The following SMG1 variants were observed in gnomAD, a reference collection of about 807,000 sequenced individuals.
SMG1 encodes the protein serine/threonine-protein kinase SMG1.
Under a neutral mutation model 419.9 loss-of-function variants are expected in SMG1, and 22 were observed. That is an observed-to-expected ratio of 0.05 (90% CI 0.04 to 0.07). The LOEUF is 0.07. Ranked by LOEUF, SMG1 falls within the 10% of genes least tolerant of loss-of-function variation. The probability of loss-of-function intolerance (pLI) is 1.00; values close to 1 mark genes in which losing one functional copy is unlikely to be tolerated. For missense variants in SMG1, 3,185 were observed against 4,342.0 expected (o/e 0.73, Z 7.49); for synonymous variants, 1,538 against 1,553.5 (o/e 0.99, Z 0.23).
intron 1 of SMG1, among the ~76,000 whole-genome samples, chr16:18,909,350 G>C (rs569550280): frequency 2.6e-5 from 4 of 151,482 alleles, no homozygotes; most frequent in Admixed American, 1.3e-4. Flanking sequence ...CTCAAAAAAA[G>C]GAAAAAATAA....
chr16:18,814,909 A>G (rs374892101), intron 60 of SMG1, among the ~76,000 whole-genome samples: 14 of 77,236 alleles, frequency 1.8e-4, no homozygotes, highest in Admixed American at 5.8e-4. Context: ...ATAGCTGTTT[A>G]TTTATTTATT....
chr16:18,916,069 CAAAAAAAAAAAAAAAAAAAACCAG>C (rs1439358678), intron 1 of SMG1, among the ~76,000 whole-genome samples: 4 of 34,800 alleles, frequency 1.1e-4, no homozygotes, highest in East Asian at 2.0e-3. Context: ...CACTTCGTCT[CAAAAAAAAAAAAAAAAAAAACCAG>C]AAAAAAAAAA....
intron 55 of SMG1, among the ~76,000 whole-genome samples, chr16:18,821,253 T>TC (rs2032534698): frequency 4.0e-5 from 1 of 24,846 alleles, no homozygotes; most frequent in African/African-American, 2.3e-4. Flanking sequence ...TTTTTTTTTC[T>TC]TTTTTTTTTT....
At chr16:18,863,883 G>A (rs776229709) in intron 24 of SMG1, 32 bp from the exon 25 acceptor site, 32 of 1,589,828 alleles carry the variant, frequency 2.0e-5, no homozygotes, top group Non-Finnish European at 2.5e-5. Context: ...AGAAGAGAGA[G>A]ATTCAGATCA....
intron 1 of SMG1, among the ~76,000 whole-genome samples, chr16:18,916,023 C>T: frequency 7.8e-6 from 1 of 128,652 alleles, no homozygotes; most frequent in African/African-American, 2.9e-5. Context: ...GAGCCGTGAT[C>T]ACACCATTGC....
At chr16:18,873,005 T>A (rs182451372) in intron 13 of SMG1, among the ~76,000 whole-genome samples, 1,727 of 151,848 alleles carry the variant, frequency 0.011, 34 homozygotes, top group African/African-American at 0.04. Flanking sequence ...ATTACAAAAA[T>A]TAGCTGGGCA....
intron 6 of SMG1, 105 bp from the exon 7 acceptor site, chr16:18,885,771 C>G (rs2036585420): frequency 9.5e-7 from 1 of 1,049,398 alleles, no homozygotes; most frequent in African/African-American, 1.6e-5. Context: ...GAATATGAGA[C>G]CAAGAAAAAT....
rs2035354000 is a variant in SMG1 at position 18,864,032 on chromosome 16, T to C, written c.3463A>G (p.Asn1155Asp). 9 of 1,550,066 alleles carry C rather than the reference T, an allele frequency of 5.8e-6. No homozygotes were observed. Among genetic ancestry groups the C allele is most frequent in the Non-Finnish European group, 7.8e-6 (9 of 1,146,984 alleles). The change falls in exon 24 of 63, where the codon AAC (asparagine) becomes GAC (aspartate). Residue 1155 changes from asparagine (N) to aspartate (D), a missense_variant. Physicochemically the swap from Asn to Asp is conservative, Grantham distance 23. Around this residue, in one of 27 missense-constraint regions of SMG1, gnomAD observed 121 missense variants for 125.4 expected, o/e 0.96. Coordinates refer to ENST00000446231, the MANE Select transcript of SMG1 (RefSeq NM_015092.5). The part of the protein sequence containing the change: ...SVLTLANAGR[N>D]SASPKHSLNG... ...AGAGAATGTTTCGGGCTGGCACTGT[T>C]ACGCCCAGCATTGGCTAAGGTGAGC...
At chr16:18,841,819 T>G (rs1567350411) in intron 40 of SMG1, 25 bp from the exon 41 acceptor site, 1 of 1,592,622 alleles carries the variant, frequency 6.3e-7, no homozygotes, top group East Asian at 2.2e-5. Context: ...TTAAAATAGC[T>G]AGGATAGGTG....
At position 18,871,462 on chromosome 16, in the gene SMG1, G is replaced by C; in HGVS notation, c.2204C>G (p.Ala735Gly). ...CTTCATTAAAACAGCTGCTTCCAAA[G>C]CCCAAGTCATTAACAGTTTCCTGAA... Reference protein sequence around the residue: ...QDTRKLLMTWALEAAVLMKKS... With the variant: ...QDTRKLLMTWGLEAAVLMKKS... The change falls in exon 16 of 63, where the codon GCT (alanine) becomes GGT (glycine). Residue 735 changes from alanine to glycine, a missense_variant. By Grantham distance (60) the Ala-to-Gly change is moderately conservative. Coordinates refer to ENST00000446231, the MANE Select transcript of SMG1 (RefSeq NM_015092.5). 6.3e-7 allele frequency: 1 copy of C among 1,592,156 alleles called. No homozygotes were observed.
chr16:18,882,728 A>T (rs1363879689), intron 9 of SMG1, among the ~76,000 whole-genome samples: 2 of 152,202 alleles, frequency 1.3e-5, no homozygotes, highest in African/African-American at 4.8e-5. Flanking sequence ...TCAGCTCAAC[A>T]GTAAGTCCTC....
chr16:18,910,446 C>G (rs12708618), intron 1 of SMG1, among the ~76,000 whole-genome samples: 27,822 of 151,434 alleles, frequency 0.18, 2,639 homozygotes, highest in Middle Eastern at 0.25. Flanking sequence ...GGTCAGGCTG[C>G]TCTCGAATTT....
At chr16:18,908,092 G>A (rs1457913275) in intron 1 of SMG1, among the ~76,000 whole-genome samples, 7 of 151,944 alleles carry the variant, frequency 4.6e-5, no homozygotes, top group African/African-American at 9.7e-5. Context: ...TAGGCCAGGC[G>A]CAGTTGATCA....
chr16:18,836,001 C>T lies in SMG1; in HGVS notation c.7989G>A (p.Gln2663=). The T allele has an allele frequency of 1.9e-6, 3 of 1,559,158 alleles. No individual in the cohort carries two copies. Among genetic ancestry groups the T allele is most frequent in the Non-Finnish European group, 2.6e-6 (3 of 1,150,952 alleles). ...TGAGCTCTTCCATCCAGGTCTTCCA[C>T]TGTTCAATTCGATGTTTCTGAAATA... is the stretch of plus-strand genomic sequence containing the variant. ...KAIFQKHRIE[Q]WKTWMEELIC... The change falls in exon 48 of 63, where the codon CAG becomes CAA. Residue 2663 remains glutamine (Q), a synonymous_variant. Coordinates refer to ENST00000446231, the MANE Select transcript of SMG1 (RefSeq NM_015092.5).
In SMG1 at chr16:18,873,380, C is replaced by T. The variant is rs1311130434; in HGVS notation, c.1891-756G>A. Among the ~76,000 whole-genome samples the T allele has an allele frequency of 2.6e-5, 4 of 152,202 alleles. No homozygotes were observed. In the East Asian group the frequency reaches 7.8e-4, roughly 30 times the overall value. On this transcript the variant is annotated intron_variant, in intron 13 of 62. Transcript: ENST00000446231. ...GATTACAGGCGCCCATCACCATGCC[C>T]TGCTAACTTTTGTATTTTTTTAGTA...
chr16:18,922,799 G>A (rs1205843504), intron 1 of SMG1, among the ~76,000 whole-genome samples: 1 of 151,964 alleles, frequency 6.6e-6, no homozygotes, highest in African/African-American at 2.4e-5. Context: ...ATTCTTAAAT[G>A]TCGGGTGCGG....
intron 45 of SMG1, 77 bp from the exon 46 acceptor site, chr16:18,837,520 G>C: frequency 7.9e-7 from 1 of 1,264,612 alleles, no homozygotes; most frequent in South Asian, 1.4e-5. Flanking sequence ...AGAACATTTT[G>C]CACATCCTAC....
At chr16:18,835,894 G>C (rs368690825) in intron 48 of SMG1, 39 bp downstream of exon 48, 1 of 1,535,268 alleles carries the variant, frequency 6.5e-7, no homozygotes, top group Admixed American at 2.0e-5. Flanking sequence ...ACAAGACTCC[G>C]TCTCAAAAAT....
In SMG1 at chr16:18,852,254, A is replaced by G. The variant is rs201252066; in HGVS notation, c.4914-49T>C. 2.9e-4 allele frequency: 470 copies of G among 1,605,012 alleles called. 1 individual carries two copies. The highest frequency in any genetic ancestry group is 2.9e-4 in the Non-Finnish European group (337 of 1,175,958). The stretch of plus-strand genomic sequence containing the variant: ...GTATTTCAGCTACCCAAACTTTACC[A>G]TATCAGCAGACATTTAAATATCTAT... On this transcript the variant is annotated intron_variant, in intron 32 of 62. Transcript: ENST00000446231.
Sources: allele counts gnomAD v4.1 joint callset (sites outside exome capture counted in the v4.1 genomes callset), GRCh38; gene constraint gnomAD v4.1.1; regional missense constraint gnomAD v4.1.1; transcripts MANE v1.5; gene names NCBI Gene and HGNC (gene_info 2026-07-23, HGNC 2026-07-21).